The following ACMSD variants were observed in gnomAD, a reference collection of about 807,000 sequenced individuals.
The protein encoded by ACMSD is 2-amino-3-carboxymuconate-6-semialdehyde decarboxylase.
Under a neutral mutation model 45.9 loss-of-function variants are expected in ACMSD, and 37 were observed. The ratio of observed to expected loss-of-function variants is 0.81; its 90% CI spans 0.62 to 1.06. ACMSD has a LOEUF of 1.06. ACMSD is among the 50% of genes least tolerant of loss of function. The pLI is 0.00. For synonymous variants in ACMSD, 138 were observed against 148.8 expected (o/e 0.93, Z 0.53); for missense variants, 434 against 420.9 (o/e 1.03, Z -0.27).
At chr2:134,894,163 A>C (rs1361959481) in intron 8 of ACMSD, among the ~76,000 whole-genome samples, 1 of 152,100 alleles carries the variant, frequency 6.6e-6, no homozygotes, top group African/African-American at 2.4e-5. Context: ...AATAGGGAAA[A>C]TCAGTGAAAC....
In ACMSD at chr2:134,896,173, A is replaced by C. The variant is rs907886316; in HGVS notation, c.850-2168A>C. On this transcript the variant is annotated intron_variant, in intron 8 of 9. Coordinates refer to ENST00000356140, the MANE Select transcript of ACMSD (RefSeq NM_138326.3). ...TAACTCAAAATGGATCAAAGACTTA[A>C]ATTGAAGAACTAAAACCACAAACTC... is the stretch of plus-strand genomic sequence containing the variant. Among the ~76,000 whole-genome samples, 3 of 152,244 alleles carry C rather than the reference A, an allele frequency of 2.0e-5. No homozygotes were observed. The East Asian group carries it at 5.8e-4, about 29-fold the overall frequency.
At chr2:134,898,297 C>T in intron 8 of ACMSD, 44 bp from the exon 9 acceptor site, 1 of 1,296,854 alleles carries the variant, frequency 7.7e-7, no homozygotes, top group Non-Finnish European at 1.1e-6. Flanking sequence ...GAGGCTCTTT[C>T]ATGTTTTACA....
chr2:134,873,779 T>C (rs929576231), intron 8 of ACMSD: 3 of 152,218 alleles, frequency 2.0e-5, no homozygotes, highest in Non-Finnish European at 4.4e-5. Context: ...TGGTTAGCAA[T>C]TGGTTGTGAC....
chr2:134,840,367 GCATA>G (rs1012055576), intron 1 of ACMSD, among the ~76,000 whole-genome samples: 12 of 151,804 alleles, frequency 7.9e-5, no homozygotes, highest in Non-Finnish European at 1.5e-4. Context: ...AAGCTCCAGG[GCATA>G]CACCTCCTTG....
At chr2:134,843,960 C>T (rs1686931231) in intron 1 of ACMSD, among the ~76,000 whole-genome samples, 1 of 152,220 alleles carries the variant, frequency 6.6e-6, no homozygotes, top group Non-Finnish European at 1.5e-5. Flanking sequence ...ATGATGTGGC[C>T]CTTCAATTCC....
rs140531463 is a variant in ACMSD, at chr2:134,853,419, TA to T, written c.103-5830del. Among the ~76,000 whole-genome samples the T allele has an allele frequency of 5.6e-4, 81 of 145,930 alleles. 1 individual carries two copies. Among genetic ancestry groups the T allele is most frequent in the African/African-American group, 1.2e-3 (47 of 40,078 alleles). On this transcript the variant is annotated intron_variant, in intron 2 of 9. Transcript: ENST00000356140. ...GTAATAGTTGCATGGAGGAATTGTTTAAAAAAAAAAAACTTGATTTTCTTTT... is the reference window on the plus strand; with the variant it reads ...GTAATAGTTGCATGGAGGAATTGTTTAAAAAAAAAAACTTGATTTTCTTTT...
chr2:134,898,670 T>C (rs1690325994), intron 9 of ACMSD, among the ~76,000 whole-genome samples: 1 of 152,108 alleles, frequency 6.6e-6, no homozygotes. Flanking sequence ...GAAAGAAAGT[T>C]GTATAGAAGG....
intron 2 of ACMSD, among the ~76,000 whole-genome samples, chr2:134,847,397 CAGATAGATAGATAGATAGATAGAT>C (rs1213803670): frequency 1.2e-5 from 1 of 81,460 alleles, no homozygotes; most frequent in Admixed American, 1.3e-4. Flanking sequence ...TTTGGGGATA[CAGATAGATAGATAGATAGATAGAT>C]AGATAGATAG....
intron 5 of ACMSD, among the ~76,000 whole-genome samples, chr2:134,866,797 A>G (rs2104867743): frequency 6.6e-6 from 1 of 152,368 alleles, no homozygotes; most frequent in East Asian, 1.9e-4. Context: ...TTTGTTGCAT[A>G]AAGGTCATTC....
chr2:134,846,576 T>C (rs1687059756), intron 2 of ACMSD, among the ~76,000 whole-genome samples: 1 of 151,880 alleles, frequency 6.6e-6, no homozygotes, highest in African/African-American at 2.4e-5. Context: ...GATCATTATT[T>C]TATTTTATTT....
intron 6 of ACMSD, among the ~76,000 whole-genome samples, chr2:134,870,683 C>T (rs551882708): frequency 2.6e-5 from 4 of 152,166 alleles, no homozygotes; most frequent in Non-Finnish European, 5.9e-5. Flanking sequence ...CTCCATCTGT[C>T]CCACTGCATC....
intron 9 of ACMSD, among the ~76,000 whole-genome samples, chr2:134,900,622 T>C (rs1690444439): frequency 6.6e-6 from 1 of 152,212 alleles, no homozygotes; most frequent in East Asian, 1.9e-4. Flanking sequence ...ATCTTCTATC[T>C]GTGTAACTGT....
intron 8 of ACMSD, among the ~76,000 whole-genome samples, chr2:134,880,754 C>T (rs1467436472): frequency 2.0e-5 from 3 of 152,098 alleles, no homozygotes; most frequent in Admixed American, 1.3e-4. Flanking sequence ...ATATTAAATG[C>T]TTTCCTCATG....
At chr2:134,849,954 G>C (rs1050236237) in intron 2 of ACMSD, among the ~76,000 whole-genome samples, 4 of 128,616 alleles carry the variant, frequency 3.1e-5, no homozygotes, top group South Asian at 5.8e-4. Flanking sequence ...TTCATCCCAG[G>C]GCCTTGGGAA....
rs965696652 is a variant in ACMSD, at chr2:134,871,327, C to T, written c.676+267C>T. On this transcript the variant is annotated intron_variant, in intron 7 of 9. Transcript: ENST00000356140. The stretch of plus-strand genomic sequence containing the variant: ...TTGGATTAAGGCCCCACCTTATGAC[C>T]TCATGTAACCTTAATTATCTCCTTA... Among the ~76,000 whole-genome samples the T allele has an allele frequency of 2.6e-5, 4 of 152,202 alleles. No individual in the cohort carries two copies. In the South Asian group the frequency reaches 8.3e-4, roughly 32 times the overall value.
At position 134,885,377 on chromosome 2, in the gene ACMSD, A is replaced by T. The variant is rs1453979990; in HGVS notation, c.849+12736A>T. ...ATATATTTACATATATATTATATAT[A>T]ATATATATGTAAATATATATATTTA... On this transcript the variant is annotated intron_variant, in intron 8 of 9. Coordinates refer to ENST00000356140, the MANE Select transcript of ACMSD (RefSeq NM_138326.3). 3.8e-5 allele frequency among the ~76,000 whole-genome samples: 4 copies of T among 105,090 alleles called. No homozygotes were observed. In the East Asian group the frequency reaches 7.5e-4, roughly 20 times the overall value. 68.9% of individuals were successfully genotyped at this position (105,090 alleles called of 152,430 possible). A position where few individuals can be genotyped will look rare whatever the true frequency, so the allele number is the denominator to read the frequency against.
intron 1 of ACMSD, among the ~76,000 whole-genome samples, chr2:134,841,886 A>G (rs769851909): frequency 1.3e-5 from 2 of 152,182 alleles, no homozygotes; most frequent in Non-Finnish European, 2.9e-5. Context: ...ACAAAATCCT[A>G]GACATCATTT....
At chr2:134,849,115 T>C (rs541737971) in intron 2 of ACMSD, among the ~76,000 whole-genome samples, 1 of 152,288 alleles carries the variant, frequency 6.6e-6, no homozygotes, top group African/African-American at 2.4e-5. Context: ...TTTTTTTTTC[T>C]TTCTTACTCC....
chr2:134,878,242 G>A (rs1688857636), intron 8 of ACMSD, among the ~76,000 whole-genome samples: 1 of 152,208 alleles, frequency 6.6e-6, no homozygotes, highest in African/African-American at 2.4e-5. Flanking sequence ...CTAGCCACTA[G>A]CAAGTCTGAA....
Sources: gnomAD v4.1 joint callset for allele counts (sites outside exome capture counted in the v4.1 genomes callset) on GRCh38, gnomAD v4.1.1 for gene constraint, MANE v1.5 for transcripts, NCBI Gene and HGNC (gene_info 2026-07-23, HGNC 2026-07-21) for gene names.